UBAC2: variants seen among roughly 807,000 people sequenced by gnomAD.
The protein encoded by UBAC2 is UBA domain containing 2, also known as ubiquitin-associated domain-containing protein 2.
A neutral mutation model predicts 44.0 loss-of-function variants in UBAC2; 26 were observed. That is an observed-to-expected ratio of 0.59 (90% CI 0.43 to 0.82). The LOEUF is 0.82. UBAC2 is among the 40% of genes least tolerant of loss of function. The probability of loss-of-function intolerance (pLI) is 0.00; values close to 1 mark genes in which losing one functional copy is unlikely to be tolerated. For missense variants in UBAC2, 329 were observed against 419.4 expected (o/e 0.78, Z 1.88); for synonymous variants, 155 against 154.3 (o/e 1.00, Z -0.04).
chr13:99,285,623 C>G (rs9517671), intron 4 of UBAC2, among the ~76,000 whole-genome samples: 3,045 of 152,188 alleles, frequency 0.02, 63 homozygotes, highest in Middle Eastern at 0.071. Flanking sequence ...AACTCCTGGC[C>G]TCAAGTGACC....
intron 4 of UBAC2, chr13:99,255,269 T>C: frequency 6.2e-7 from 1 of 1,614,080 alleles, no homozygotes; most frequent in African/African-American, 1.3e-5. Flanking sequence ...CCAATCATGA[T>C]GAACAAAGGA....
intron 7 of UBAC2, among the ~76,000 whole-genome samples, chr13:99,355,023 C>T (rs1048760585): frequency 1.3e-5 from 2 of 152,014 alleles, no homozygotes; most frequent in Admixed American, 6.6e-5. Flanking sequence ...TAGGCAAGTG[C>T]GGGAATGAGA....
intron 1 of UBAC2, among the ~76,000 whole-genome samples, chr13:99,214,394 C>T (rs530311295): frequency 3.3e-5 from 5 of 152,008 alleles, no homozygotes; most frequent in South Asian, 2.1e-4. Flanking sequence ...AGCCTTTTCC[C>T]GCAAGAGGCT....
intron 1 of UBAC2, chr13:99,215,817 G>C: frequency 1.6e-6 from 1 of 617,366 alleles, no homozygotes. Flanking sequence ...CCCGTGGTGA[G>C]ATCCCACCAT....
At chr13:99,225,251 C>T (rs1015390454) in intron 1 of UBAC2, among the ~76,000 whole-genome samples, 1 of 152,170 alleles carries the variant, frequency 6.6e-6, no homozygotes, top group African/African-American at 2.4e-5. Flanking sequence ...TATAACTCTT[C>T]TCATCTTGCA....
intron 4 of UBAC2, among the ~76,000 whole-genome samples, chr13:99,300,076 G>T (rs895861878): frequency 2.0e-5 from 3 of 152,182 alleles, no homozygotes; most frequent in African/African-American, 2.4e-5. Flanking sequence ...TGGCACATGC[G>T]CAACATTGCC....
intron 7 of UBAC2, among the ~76,000 whole-genome samples, chr13:99,356,515 T>C (rs1315174235): frequency 1.3e-5 from 2 of 152,220 alleles, no homozygotes; most frequent in African/African-American, 4.8e-5. Flanking sequence ...CTGTTTGAAG[T>C]ATCTCATCCA....
Position 99,339,798 on chromosome 13 carries a change from A to G in UBAC2, c.562-522A>G, listed in dbSNP as rs564917651. ...ATATTGGTGAGGATTTTAAATGTCT[A>G]GAAAAATCAGTAGTTGAAAAACTGA... On this transcript the variant is annotated intron_variant, in intron 6 of 8. Coordinates refer to ENST00000403766, the MANE Select transcript of UBAC2 (RefSeq NM_001144072.2). 3.0e-4 allele frequency among the ~76,000 whole-genome samples: 45 copies of G among 152,380 alleles called. No individual in the cohort carries two copies. The South Asian group carries it at 8.7e-3, about 29-fold the overall frequency.
At chr13:99,352,441 T>A (rs368770523) in intron 7 of UBAC2, among the ~76,000 whole-genome samples, 6 of 152,388 alleles carry the variant, frequency 3.9e-5, no homozygotes, top group African/African-American at 1.4e-4. Context: ...AGCTGATCTT[T>A]ATGACTGGCT....
At chr13:99,202,735 T>G (rs1439678784) in intron 1 of UBAC2, among the ~76,000 whole-genome samples, 1 of 152,218 alleles carries the variant, frequency 6.6e-6, no homozygotes, top group Non-Finnish European at 1.5e-5. Context: ...GGCCTGTTTC[T>G]AAAATTAAGT....
intron 4 of UBAC2, among the ~76,000 whole-genome samples, chr13:99,246,122 G>C (rs1286943703): frequency 6.6e-6 from 1 of 152,188 alleles, no homozygotes; most frequent in Non-Finnish European, 1.5e-5. Flanking sequence ...TAAAATTATA[G>C]TTAGTGTTCT....
intron 8 of UBAC2, among the ~76,000 whole-genome samples, chr13:99,376,006 T>C (rs1313279851): frequency 6.7e-6 from 1 of 149,346 alleles, no homozygotes; most frequent in African/African-American, 2.5e-5. Context: ...AGACAAGGGT[T>C]GCCCAGGCTG....
intron 4 of UBAC2, among the ~76,000 whole-genome samples, chr13:99,278,361 G>A (rs1367819950): frequency 1.3e-5 from 2 of 152,144 alleles, no homozygotes; most frequent in African/African-American, 4.8e-5. Flanking sequence ...GGGATTGCCT[G>A]TCTGGAGGTG....
chr13:99,378,505 T>C lies in UBAC2; in HGVS notation c.928-6723T>C, dbSNP rs113440376. On this transcript the variant is annotated intron_variant, in intron 8 of 8. Coordinates refer to ENST00000403766, the MANE Select transcript of UBAC2 (RefSeq NM_001144072.2). ...TCACATCACTGCACTCCAACCTGGG[T>C]GACTGAGCAAGACTCTGTCTCAAAA... 5.6e-3 allele frequency among the ~76,000 whole-genome samples: 854 copies of C among 152,242 alleles called. 7 individuals carry two copies. The highest frequency in any genetic ancestry group is 0.019 in the African/African-American group (806 of 41,526).
chr13:99,282,750 A>G (rs2043970330), intron 4 of UBAC2, among the ~76,000 whole-genome samples: 1 of 152,220 alleles, frequency 6.6e-6, no homozygotes. Context: ...ACCTTGTGAA[A>G]GATTTTAGAT....
At chr13:99,311,693 G>C (rs992412195) in intron 4 of UBAC2, among the ~76,000 whole-genome samples, 5 of 152,202 alleles carry the variant, frequency 3.3e-5, no homozygotes, top group Non-Finnish European at 7.3e-5. Flanking sequence ...TGAGAACTCT[G>C]TATAGTCAAT....
At chr13:99,349,632 G>A (rs2045048737) in intron 7 of UBAC2, among the ~76,000 whole-genome samples, 1 of 152,202 alleles carries the variant, frequency 6.6e-6, no homozygotes, top group Admixed American at 6.5e-5. Context: ...GGTAGCCGAA[G>A]CTGAGAGAGA....
intron 4 of UBAC2, among the ~76,000 whole-genome samples, chr13:99,276,446 A>C (rs146817503): frequency 6.6e-5 from 10 of 152,324 alleles, no homozygotes; most frequent in Admixed American, 1.3e-4. Context: ...ACTTACGTTT[A>C]TTGGTTTATT....
chr13:99,367,344 G>A (rs1207796061), intron 7 of UBAC2, among the ~76,000 whole-genome samples: 1 of 152,168 alleles, frequency 6.6e-6, no homozygotes, highest in Non-Finnish European at 1.5e-5. Context: ...GCATTTTAAG[G>A]GCCGTGATGG....
Sources: allele counts gnomAD v4.1 joint callset (sites outside exome capture counted in the v4.1 genomes callset), GRCh38; gene constraint gnomAD v4.1.1; transcripts MANE v1.5; gene names NCBI Gene and HGNC (gene_info 2026-07-23, HGNC 2026-07-21).